CSGALNACT1: variants seen among roughly 807,000 people sequenced by gnomAD.
The protein encoded by CSGALNACT1 is beta4GalNAcT-1.
CSGALNACT1 carries 52 observed loss-of-function variants against 51.0 expected under a neutral mutation model. The ratio of observed to expected loss-of-function variants is 1.02; its 90% CI spans 0.82 to 1.29. The LOEUF is 1.29. Among genes scored for constraint, CSGALNACT1 ranks in the 50% most tolerant of loss-of-function variants. The pLI, the probability that CSGALNACT1 is intolerant of heterozygous loss-of-function variation, is 0.00. For missense variants in CSGALNACT1, 935 were observed against 679.2 expected (o/e 1.38, Z -4.19); for synonymous variants, 341 against 254.4 (o/e 1.34, Z -3.24).
intron 5 of CSGALNACT1, chr8:19,457,862 TG>T (rs1389972312): frequency 8.7e-6 from 11 of 1,271,612 alleles, no homozygotes; most frequent in Non-Finnish European, 1.2e-5. Context: ...GCTACAAAAA[TG>T]TGGGCTTGAA....
upstream of CSGALNACT1, chr8:19,683,185 G>C (rs1045223910): frequency 3.9e-5 from 6 of 155,106 alleles, no homozygotes; most frequent in African/African-American, 1.4e-4. Flanking sequence ...CACTTGGTCA[G>C]GCTTTTCCAC....
rs562169245 is a variant in CSGALNACT1, at chr8:19,732,673, C to T, written c.-297+25177G>A. On this transcript the variant is annotated intron_variant, in intron 1 of 1. Coordinates refer to the CSGALNACT1 transcript ENST00000517494. ...CATACAGAGAAGTGAGAAGTATCCACAGACACTTTAGGCAATAGATCAAGT... is the reference window on the plus strand; with the variant it reads ...CATACAGAGAAGTGAGAAGTATCCATAGACACTTTAGGCAATAGATCAAGT... 5.3e-5 allele frequency: 8 copies of T among 152,294 alleles called. No homozygotes were observed. In the South Asian group the frequency reaches 1.2e-3, roughly 24 times the overall value. 9.4% of individuals were successfully genotyped at this position (152,294 alleles called of 1,614,324 possible).
intron 4 of CSGALNACT1, among the ~76,000 whole-genome samples, chr8:19,475,502 A>T (rs4921648): frequency 0.79 from 119,902 of 152,088 alleles, 47,411 homozygotes; most frequent in East Asian, 0.87. Flanking sequence ...CCCCCGGAGA[A>T]CAGCTTTCAG....
chr8:19,707,273 A>G (rs1489034736), intron 1 of CSGALNACT1, among the ~76,000 whole-genome samples: 7 of 152,218 alleles, frequency 4.6e-5, no homozygotes, highest in African/African-American at 1.7e-4. Flanking sequence ...TAAGTGTTCT[A>G]TAATTAGGCA....
intron 3 of CSGALNACT1, among the ~76,000 whole-genome samples, chr8:19,519,491 G>A (rs1452283749): frequency 6.6e-6 from 1 of 152,096 alleles, no homozygotes; most frequent in Non-Finnish European, 1.5e-5. Context: ...CCACAGCAGG[G>A]CAAAAGAGAA....
intron 4 of CSGALNACT1, among the ~76,000 whole-genome samples, chr8:19,477,252 C>T (rs1454564315): frequency 1.3e-5 from 2 of 152,228 alleles, no homozygotes; most frequent in African/African-American, 4.8e-5. Flanking sequence ...TAAGGCCACT[C>T]AGGCTCCCCA....
intron 5 of CSGALNACT1, among the ~76,000 whole-genome samples, chr8:19,458,040 C>T (rs1052691829): frequency 6.6e-6 from 1 of 152,210 alleles, no homozygotes; most frequent in Non-Finnish European, 1.5e-5. Context: ...TCAACGTGGG[C>T]TCTGCCACCA....
At chr8:19,407,927 G>A (rs111677677) in intron 9 of CSGALNACT1, among the ~76,000 whole-genome samples, 8 of 109,668 alleles carry the variant, frequency 7.3e-5, no homozygotes, top group South Asian at 6.0e-4. Context: ...GTGTGTGTGT[G>A]TGTGTGTGTG....
intron 1 of CSGALNACT1, among the ~76,000 whole-genome samples, chr8:19,727,272 T>C (rs368252862): frequency 2.2e-4 from 33 of 152,354 alleles, no homozygotes; most frequent in African/African-American, 7.9e-4. Flanking sequence ...TTAACTATTT[T>C]CTTTAGTTGA....
exon 4 of CSGALNACT1, chr8:19,505,312 C>A (rs1448344342): frequency 6.2e-7 from 1 of 1,614,206 alleles, no homozygotes; most frequent in East Asian, 2.2e-5. Flanking sequence ...TCCCGCTTGT[C>A]CTTCCTCACA....
intron 1 of CSGALNACT1, among the ~76,000 whole-genome samples, chr8:19,698,578 T>G (rs936617757): frequency 4.6e-5 from 7 of 152,186 alleles, no homozygotes; most frequent in African/African-American, 1.7e-4. Context: ...TCAAAGAAGT[T>G]AATCTGGAGG....
At chr8:19,590,105 G>C (rs1451244878) in intron 3 of CSGALNACT1, among the ~76,000 whole-genome samples, 1 of 152,180 alleles carries the variant, frequency 6.6e-6, no homozygotes, top group East Asian at 1.9e-4. Context: ...TCCTGCCCAA[G>C]TTTGGTGACG....
chr8:19,670,650 C>CAAAAAAAAAAAAAAAAAAAA (rs752256046), intron 1 of CSGALNACT1, among the ~76,000 whole-genome samples: 1 of 92,848 alleles, frequency 1.1e-5, no homozygotes, highest in Non-Finnish European at 1.9e-5. Context: ...CTACTGAAGA[C>CAAAAAAAAAAAAAAAAAAAA]AAAAAAAAAA....
At chr8:19,616,804 A>T (rs1329334036) in intron 1 of CSGALNACT1, among the ~76,000 whole-genome samples, 1 of 152,098 alleles carries the variant, frequency 6.6e-6, no homozygotes, top group East Asian at 1.9e-4. Flanking sequence ...AGTGCCATCC[A>T]CGTACAATCA....
intron 1 of CSGALNACT1, among the ~76,000 whole-genome samples, chr8:19,696,414 T>C (rs914722934): frequency 2.0e-5 from 3 of 152,220 alleles, no homozygotes; most frequent in African/African-American, 4.8e-5. Flanking sequence ...GCTCACTGTT[T>C]AGCAGGAGAG....
chr8:19,676,436 A>G (rs1564405737), intron 1 of CSGALNACT1, among the ~76,000 whole-genome samples: 1 of 152,240 alleles, frequency 6.6e-6, no homozygotes, highest in Non-Finnish European at 1.5e-5. Context: ...GAAATCCAAA[A>G]TTCACGGAAT....
chr8:19,501,342 G>T (rs2076386107), intron 4 of CSGALNACT1, among the ~76,000 whole-genome samples: 1 of 151,364 alleles, frequency 6.6e-6, no homozygotes, highest in African/African-American at 2.4e-5. Flanking sequence ...ATATATGACA[G>T]AGGAGCCCTC....
At chr8:19,632,058 T>G (rs1351202567) in intron 1 of CSGALNACT1, among the ~76,000 whole-genome samples, 2 of 152,246 alleles carry the variant, frequency 1.3e-5, no homozygotes, top group Admixed American at 6.5e-5. Context: ...CAAAGCTACA[T>G]TTTACACCTT....
chr8:19,502,730 T>C (rs1724915277), intron 4 of CSGALNACT1, among the ~76,000 whole-genome samples: 1 of 152,236 alleles, frequency 6.6e-6, no homozygotes, highest in Admixed American at 6.5e-5. Context: ...TAAAATCCTG[T>C]CACTTGCTGT....
Sources: allele counts gnomAD v4.1 joint callset (sites outside exome capture counted in the v4.1 genomes callset), GRCh38; gene constraint gnomAD v4.1.1; transcripts MANE v1.5; gene names NCBI Gene and HGNC (gene_info 2026-07-23, HGNC 2026-07-21).